The following EIF4E3 variants were observed in gnomAD, a reference collection of about 807,000 sequenced individuals.
EIF4E3 encodes eukaryotic translation initiation factor 4E family member 3, also known as eukaryotic translation initiation factor 4E type 3.
A neutral mutation model predicts 31.7 loss-of-function variants in EIF4E3; 26 were observed. The observed-to-expected ratio is 0.82, with a 90% CI of 0.60 to 1.14. The LOEUF is 1.14. Among genes scored for constraint, EIF4E3 ranks in the 50% most tolerant of loss-of-function variants. The probability of loss-of-function intolerance (pLI) is 0.00; values close to 1 mark genes in which losing one functional copy is unlikely to be tolerated. For synonymous variants in EIF4E3, 128 were observed against 107.7 expected (o/e 1.19, Z -1.17); for missense variants, 304 against 270.9 (o/e 1.12, Z -0.86).
At chr3:71,748,467 G>A (rs1043445719) in intron 1 of EIF4E3, among the ~76,000 whole-genome samples, 1 of 152,124 alleles carries the variant, frequency 6.6e-6, no homozygotes, top group African/African-American at 2.4e-5. Context: ...GGAGTCCCTG[G>A]AGATGAAGGT....
At chr3:71,745,896 A>G (rs1337707381) in intron 1 of EIF4E3, among the ~76,000 whole-genome samples, 1 of 152,202 alleles carries the variant, frequency 6.6e-6, no homozygotes, top group Non-Finnish European at 1.5e-5. Context: ...TTATAGAAAT[A>G]TCAATAATGG....
chr3:71,707,393 C>A lies in EIF4E3; in HGVS notation c.249+3019G>T, dbSNP rs144706658. ...AACTGATGGAGCTGAGGGGTAGAATCCAGTAACACTTAAGTAAAAGCTGGC... is the reference window on the plus strand; with the variant it reads ...AACTGATGGAGCTGAGGGGTAGAATACAGTAACACTTAAGTAAAAGCTGGC... On this transcript the variant is annotated intron_variant, in intron 2 of 6. Transcript: ENST00000425534. Among the ~76,000 whole-genome samples the A allele has an allele frequency of 1.9e-3, 287 of 152,296 alleles. 1 individual carries two copies. Among genetic ancestry groups the A allele is most frequent in the African/African-American group, 6.6e-3 (273 of 41,566 alleles).
In EIF4E3 at chr3:71,683,164, A is replaced by G. The variant is rs1208707429; in HGVS notation, c.*1518T>C. On this transcript the variant is annotated 3_prime_UTR_variant, in exon 7 of 7. Coordinates refer to ENST00000425534, the MANE Select transcript of EIF4E3 (RefSeq NM_001134651.2). ...GCTGAGGTGGTTACTAACCAAGTGAAGGGCACAACTTCCATAAGCAGATAA... is the reference window on the plus strand; with the variant it reads ...GCTGAGGTGGTTACTAACCAAGTGAGGGGCACAACTTCCATAAGCAGATAA... 6.6e-6 allele frequency: 1 copy of G among 152,226 alleles called. No individual in the cohort carries two copies. Among genetic ancestry groups the G allele is most frequent in the African/African-American group, 2.4e-5 (1 of 41,462 alleles). The allele number at this position is 152,226 out of a possible 1,614,324, so 9.4% of individuals were successfully genotyped here.
chr3:71,733,584 C>G (rs1336468813), intron 1 of EIF4E3, among the ~76,000 whole-genome samples: 1 of 152,074 alleles, frequency 6.6e-6, no homozygotes, highest in Non-Finnish European at 1.5e-5. Flanking sequence ...CCTCCTGTAC[C>G]ATCTTTCCCT....
chr3:71,710,437 T>A lies in EIF4E3; in HGVS notation c.224A>T (p.Lys75Ile). Residue 75 changes from lysine to isoleucine, a missense_variant, in exon 2 of 7, where the codon AAA (lysine) becomes ATA (isoleucine). Transcript: ENST00000425534. ...TAAECASNLK[K>I]IYTVQTVQIF... ...CTGTACTGTCTGTACTGTGTAGATT[T>A]TCTTCAGATTTGATGCGCACTCAGC... The A allele has an allele frequency of 6.4e-7, 1 of 1,552,132 alleles. No individual in the cohort carries two copies. Among genetic ancestry groups the A allele is most frequent in the Non-Finnish European group, 8.7e-7 (1 of 1,147,086 alleles).
At chr3:71,710,618 C>G in intron 1 of EIF4E3, 134 bp from the exon 2 acceptor site, 1 of 773,574 alleles carries the variant, frequency 1.3e-6, no homozygotes, top group Non-Finnish European at 2.1e-6. Context: ...TTTGGGGATG[C>G]TAGTTGGAAT....
the EIF4E3 span, among the ~76,000 whole-genome samples, chr3:71,669,577 T>C: frequency 1.3e-5 from 2 of 152,088 alleles, no homozygotes; most frequent in African/African-American, 4.8e-5. Context: ...CTATTGAGAT[T>C]TGTTAGAAGG....
At chr3:71,672,992 G>A (rs778479040), downstream of EIF4E3, among the ~76,000 whole-genome samples, 12 of 152,190 alleles carry the variant, frequency 7.9e-5, no homozygotes, top group Middle Eastern at 3.2e-3. Flanking sequence ...GTGAGTGAGA[G>A]AGCCACGAGG....
intron 1 of EIF4E3, among the ~76,000 whole-genome samples, chr3:71,741,649 CA>C (rs2108152152): frequency 6.6e-6 from 1 of 152,272 alleles, no homozygotes; most frequent in South Asian, 2.1e-4. Flanking sequence ...AAGATTTCAA[CA>C]ACACTATCAA....
intron 1 of EIF4E3, among the ~76,000 whole-genome samples, chr3:71,749,014 G>C (rs888930857): frequency 5.9e-5 from 9 of 152,244 alleles, no homozygotes; most frequent in South Asian, 2.1e-4. Flanking sequence ...AAATACAAAA[G>C]TCAATTAAAT....
chr3:71,686,608 G>A (rs2048995771), intron 6 of EIF4E3, among the ~76,000 whole-genome samples: 1 of 149,650 alleles, frequency 6.7e-6, no homozygotes, highest in South Asian at 2.1e-4. Flanking sequence ...ATTTAGGGAA[G>A]ATATCGAAGA....
At position 71,684,315 on chromosome 3, in the gene EIF4E3, G is replaced by T; in HGVS notation, c.*367C>A. The T allele has an allele frequency of 4.7e-6, 1 of 211,266 alleles. No homozygotes were observed. The highest frequency in any genetic ancestry group is 9.7e-6 in the Non-Finnish European group (1 of 103,550). 13.1% of individuals were successfully genotyped at this position (211,266 alleles called of 1,614,324 possible). On this transcript the variant is annotated 3_prime_UTR_variant, in exon 7 of 7. Coordinates refer to ENST00000425534, the MANE Select transcript of EIF4E3 (RefSeq NM_001134651.2). Reference sequence around the variant, plus strand: ...ACTAGGTACAGCAGAGCTACTTAAAGGGAAACCCATTTCTTGTGCCTCAAT... The same window carrying T: ...ACTAGGTACAGCAGAGCTACTTAAATGGAAACCCATTTCTTGTGCCTCAAT...
chr3:71,738,701 T>G (rs999308715), intron 1 of EIF4E3, among the ~76,000 whole-genome samples: 1 of 151,764 alleles, frequency 6.6e-6, no homozygotes, highest in Admixed American at 6.6e-5. Flanking sequence ...CAATAGAAAA[T>G]TATAGCTGGG....
chr3:71,712,616 G>A, intron 1 of EIF4E3, among the ~76,000 whole-genome samples: 1 of 114,454 alleles, frequency 8.7e-6, no homozygotes, highest in East Asian at 2.6e-4. Context: ...TCTTCCCTAT[G>A]TGTGTGTGTT....
At chr3:71,703,755 T>A (rs2049250599) in intron 2 of EIF4E3, among the ~76,000 whole-genome samples, 1 of 138,890 alleles carries the variant, frequency 7.2e-6, no homozygotes, top group South Asian at 2.2e-4. Context: ...GACAACAAAG[T>A]GATATGTCTG....
chr3:71,699,784 G>C, intron 2 of EIF4E3, 76 bp from the exon 3 acceptor site: 2 of 1,238,292 alleles, frequency 1.6e-6, no homozygotes, highest in Non-Finnish European at 2.3e-6. Context: ...TCAAATTAAT[G>C]CATTAAAGAA....
At chr3:71,726,062 G>C (rs2049634560), upstream of EIF4E3, among the ~76,000 whole-genome samples, 2 of 152,206 alleles carry the variant, frequency 1.3e-5, no homozygotes, top group Non-Finnish European at 2.9e-5. Context: ...TGGGGCATGA[G>C]GTTGGAGCAG....
chr3:71,670,410 G>A, the EIF4E3 span, among the ~76,000 whole-genome samples: 1 of 151,742 alleles, frequency 6.6e-6, no homozygotes, highest in Non-Finnish European at 1.5e-5. Flanking sequence ...CTCCTCCATT[G>A]CACCCCCCCA....
intron 1 of EIF4E3, among the ~76,000 whole-genome samples, chr3:71,714,217 AAAAG>A (rs1284062473): frequency 2.0e-5 from 3 of 149,822 alleles, no homozygotes; most frequent in South Asian, 2.1e-4. Context: ...CATCTCAAAA[AAAAG>A]AAAGAAAGAA....
Sources: gnomAD v4.1 joint callset for allele counts (sites outside exome capture counted in the v4.1 genomes callset) on GRCh38, gnomAD v4.1.1 for gene constraint, MANE v1.5 for transcripts, NCBI Gene and HGNC (gene_info 2026-07-23, HGNC 2026-07-21) for gene names.